Variants in PDE4D observed in about 807,000 individuals in gnomAD.
PDE4D encodes 3',5'-cyclic-AMP phosphodiesterase 4D.
A neutral mutation model predicts 87.4 loss-of-function variants in PDE4D; 24 were observed. The ratio of observed to expected loss-of-function variants is 0.27; its 90% confidence interval spans 0.20 to 0.39. PDE4D has a LOEUF of 0.39. PDE4D is among the 10% of genes least tolerant of loss of function. The pLI, the probability that PDE4D is intolerant of heterozygous loss-of-function variation, is 1.00. For missense variants in PDE4D, 714 were observed against 1,041.0 expected (o/e 0.69, Z 4.32); for synonymous variants, 384 against 383.2 (o/e 1.00, Z -0.02).
At chr5:59,045,598 A>T (rs1760493183) in intron 5 of PDE4D, among the ~76,000 whole-genome samples, 1 of 151,504 alleles carries the variant, frequency 6.6e-6, no homozygotes, top group African/African-American at 2.4e-5. Context: ...GTGTCAAAAA[A>T]GAAATAACCA....
intron 1 of PDE4D, among the ~76,000 whole-genome samples, chr5:60,315,301 T>C (rs1378873504): frequency 6.6e-6 from 1 of 152,260 alleles, no homozygotes; most frequent in Non-Finnish European, 1.5e-5. Flanking sequence ...GAAATGTCTG[T>C]TCATATCCTT....
At chr5:60,030,385 G>A (rs1356869856) in intron 2 of PDE4D, among the ~76,000 whole-genome samples, 1 of 152,172 alleles carries the variant, frequency 6.6e-6, no homozygotes, top group African/African-American at 2.4e-5. Flanking sequence ...GGGAAGCGGA[G>A]CTTGCAGTGA....
chr5:60,424,207 A>G (rs1054292770), intron 1 of PDE4D, among the ~76,000 whole-genome samples: 3 of 152,216 alleles, frequency 2.0e-5, no homozygotes, highest in Admixed American at 6.5e-5. Context: ...TCTGATACCA[A>G]AGCCTGGCAG....
intron 1 of PDE4D, among the ~76,000 whole-genome samples, chr5:59,496,711 G>A (rs1228494835): frequency 6.6e-6 from 1 of 152,150 alleles, no homozygotes; most frequent in African/African-American, 2.4e-5. Context: ...ACTGAAGGGG[G>A]CGCCACCAAA....
At chr5:59,902,686 G>T (rs1038747198) in intron 3 of PDE4D, among the ~76,000 whole-genome samples, 1 of 152,136 alleles carries the variant, frequency 6.6e-6, no homozygotes, top group Non-Finnish European at 1.5e-5. Flanking sequence ...ACCCCACAGG[G>T]TAGGGAACTC....
chr5:59,619,593 C>T (rs566443522), intron 1 of PDE4D, among the ~76,000 whole-genome samples: 2 of 152,246 alleles, frequency 1.3e-5, no homozygotes, highest in African/African-American at 4.8e-5. Context: ...TATGGGGTAA[C>T]AGCAGAAAGT....
intron 2 of PDE4D, among the ~76,000 whole-genome samples, chr5:60,135,434 TAC>T (rs1041845752): frequency 1.3e-5 from 2 of 152,158 alleles, no homozygotes; most frequent in African/African-American, 4.8e-5. Context: ...TGTGCATGCC[TAC>T]AGGCATATCT....
intron 1 of PDE4D, among the ~76,000 whole-genome samples, chr5:59,856,114 A>G (rs1054451559): frequency 1.3e-5 from 2 of 152,160 alleles, no homozygotes; most frequent in Admixed American, 1.3e-4. Flanking sequence ...GATAAGAATC[A>G]TATCATTTTT....
At chr5:60,467,168 T>A (rs1322537804) in intron 1 of PDE4D, among the ~76,000 whole-genome samples, 1 of 151,792 alleles carries the variant, frequency 6.6e-6, no homozygotes, top group Non-Finnish European at 1.5e-5. Context: ...GCCTCCCGAG[T>A]AGTTGTGATT....
chr5:59,671,181 G>A (rs561308340), intron 1 of PDE4D, among the ~76,000 whole-genome samples: 2 of 152,274 alleles, frequency 1.3e-5, no homozygotes, highest in African/African-American at 4.8e-5. Flanking sequence ...AGTATAAATG[G>A]AGATCAGGTT....
At chr5:59,585,875 G>C (rs1825034511) in intron 1 of PDE4D, among the ~76,000 whole-genome samples, 1 of 152,118 alleles carries the variant, frequency 6.6e-6, no homozygotes, top group Non-Finnish European at 1.5e-5. Context: ...ACACATTTTA[G>C]CATTATTTTA....
intron 1 of PDE4D, among the ~76,000 whole-genome samples, chr5:60,195,154 C>T (rs1465194223): frequency 1.3e-5 from 2 of 151,608 alleles, no homozygotes; most frequent in Non-Finnish European, 3.0e-5. Context: ...GTGTCATCTC[C>T]TCCTGGAAGA....
In PDE4D at chr5:60,460,034, T is replaced by C. The variant is rs1245257404; in HGVS notation, c.-90+27908A>G. On this transcript the variant is annotated intron_variant, in intron 1 of 16. Transcript: ENST00000502484. ...GGAACCAAGTAGTACTGTAATGAGT[T>C]TGACCAAATATCATCTTTGGTGACC... 3 of 1,444,602 alleles carry C rather than the reference T, an allele frequency of 2.1e-6. No individual in the cohort carries two copies. The African/African-American group carries it at 4.2e-5, about 20-fold the overall frequency. The allele number at this position is 1,444,602 out of a possible 1,614,324, so 89.5% of individuals were successfully genotyped here.
chr5:59,304,118 GT>G (rs1770802427), intron 1 of PDE4D, among the ~76,000 whole-genome samples: 2 of 151,754 alleles, frequency 1.3e-5, no homozygotes, highest in Admixed American at 6.6e-5. Context: ...CCTTTGTTAG[GT>G]ATATTCTTAA....
intron 3 of PDE4D, among the ~76,000 whole-genome samples, chr5:59,942,687 A>C (rs181040324): frequency 1.3e-5 from 2 of 152,202 alleles, no homozygotes; most frequent in African/African-American, 4.8e-5. Context: ...TCTTCTTACT[A>C]AAAATGATTT....
chr5:60,396,539 AG>A (rs1374204131), intron 1 of PDE4D, among the ~76,000 whole-genome samples: 1 of 152,118 alleles, frequency 6.6e-6, no homozygotes, highest in Non-Finnish European at 1.5e-5. Flanking sequence ...TTTTAGAGAC[AG>A]GGTCTTGCTC....
intron 1 of PDE4D, among the ~76,000 whole-genome samples, chr5:59,769,504 C>A (rs1026956994): frequency 1.3e-5 from 2 of 152,118 alleles, no homozygotes; most frequent in African/African-American, 2.4e-5. Flanking sequence ...TCCTTTATTG[C>A]CTTTTAATGT....
At chr5:59,866,962 A>AT (rs1286911650) in intron 1 of PDE4D, among the ~76,000 whole-genome samples, 10 of 152,220 alleles carry the variant, frequency 6.6e-5, no homozygotes, top group Admixed American at 6.5e-4. Flanking sequence ...ACTAAGCAAT[A>AT]TGTCCCAATC....
intron 1 of PDE4D, among the ~76,000 whole-genome samples, chr5:59,704,509 G>A (rs1753091174): frequency 1.3e-5 from 2 of 152,124 alleles, no homozygotes; most frequent in Non-Finnish European, 2.9e-5. Context: ...CAATTCTCCA[G>A]CATTGACTGA....
Sources: allele counts gnomAD v4.1 joint callset (sites outside exome capture counted in the v4.1 genomes callset), GRCh38; gene constraint gnomAD v4.1.1; transcripts MANE v1.5; gene names NCBI Gene and HGNC (gene_info 2026-07-23, HGNC 2026-07-21).